N4BP1: variants seen among roughly 807,000 people sequenced by gnomAD.
N4BP1 encodes NEDD4-binding protein 1.
In N4BP1, 21 loss-of-function variants were observed where a neutral mutation model predicts 70.9. The ratio of observed to expected loss-of-function variants is 0.30; its 90% confidence interval spans 0.21 to 0.43. The LOEUF (loss-of-function observed/expected upper bound fraction) is 0.43. N4BP1 is among the 20% of genes least tolerant of loss of function. The pLI, the probability that N4BP1 is intolerant of heterozygous loss-of-function variation, is 1.00. For missense variants in N4BP1, 936 were observed against 1,069.4 expected (o/e 0.88, Z 1.74); for synonymous variants, 387 against 394.6 (o/e 0.98, Z 0.23).
rs373702319 is a variant in N4BP1, at chr16:48,561,709, C to T, written c.934G>A (p.Asp312Asn). The T allele has an allele frequency of 7.2e-5, 116 of 1,612,306 alleles. No homozygotes were observed. The highest frequency in any genetic ancestry group is 9.1e-5 in the Non-Finnish European group (107 of 1,179,882). Residue 312 changes from aspartate (D) to asparagine (N), a missense_variant, in exon 2 of 7, where the codon GAT becomes AAT. Coordinates refer to ENST00000262384, the MANE Select transcript of N4BP1 (RefSeq NM_153029.4). ...ENVQEGEILH[D>N]AKTLAGNVIA... ...ACATTTCCAGCCAATGTCTTAGCAT[C>T]GTGTAAAATCTCCCCCTCCTGAACA...
At chr16:48,562,726 G>C (rs1313666460) in intron 1 of N4BP1, among the ~76,000 whole-genome samples, 1 of 152,210 alleles carries the variant, frequency 6.6e-6, no homozygotes. Flanking sequence ...GAGCTACACA[G>C]TGAATAATCC....
chr16:48,548,219 G>T (rs1480406201), intron 4 of N4BP1, 105 bp from the exon 5 acceptor site: 2 of 722,966 alleles, frequency 2.8e-6, no homozygotes, highest in East Asian at 2.6e-5. Context: ...AACCATCAAA[G>T]AATTTAACCA....
chr16:48,556,118 C>A (rs771509320), intron 2 of N4BP1, among the ~76,000 whole-genome samples: 1 of 152,098 alleles, frequency 6.6e-6, no homozygotes, highest in Non-Finnish European at 1.5e-5. Context: ...CATCAGCTCT[C>A]AACTAAATTC....
chr16:48,560,356 C>T (rs1597095674), intron 2 of N4BP1, among the ~76,000 whole-genome samples: 3 of 147,390 alleles, frequency 2.0e-5, no homozygotes, highest in Admixed American at 6.8e-5. Flanking sequence ...AGAGATCAGG[C>T]ATACTCCAGC....
intron 1 of N4BP1, among the ~76,000 whole-genome samples, chr16:48,579,679 CAA>C (rs763939497): frequency 3.9e-5 from 5 of 129,844 alleles, no homozygotes; most frequent in Admixed American, 7.9e-5. Context: ...AGAAAAATGA[CAA>C]AAAAAAAAAA....
intron 1 of N4BP1, among the ~76,000 whole-genome samples, chr16:48,588,415 C>G (rs1964280517): frequency 6.6e-6 from 1 of 151,840 alleles, no homozygotes; most frequent in Non-Finnish European, 1.5e-5. Context: ...CTGCCTCAGC[C>G]TCCCAAGTAG....
At chr16:48,567,423 T>C (rs1963958842) in intron 1 of N4BP1, among the ~76,000 whole-genome samples, 1 of 152,182 alleles carries the variant, frequency 6.6e-6, no homozygotes, top group African/African-American at 2.4e-5. Flanking sequence ...GTTCAAGCGA[T>C]TCTTGTACCT....
At chr16:48,593,254 T>C (rs549235673) in intron 1 of N4BP1, among the ~76,000 whole-genome samples, 2 of 152,320 alleles carry the variant, frequency 1.3e-5, no homozygotes, top group South Asian at 2.1e-4. Flanking sequence ...TTACAATTGC[T>C]TACTAACCAG....
chr16:48,560,906 C>G lies in N4BP1; in HGVS notation c.1737G>C (p.Ser579=). The G allele has an allele frequency of 6.2e-7, 1 of 1,613,934 alleles. No homozygotes were observed. Among genetic ancestry groups the G allele is most frequent in the Non-Finnish European group, 8.5e-7 (1 of 1,179,878 alleles). ...AATCAATATGATCAGAAGGTCCTGC[C>G]GACCTTGCATCAGTAACCGAAGGTA... The part of the protein sequence containing the change: ...QLLPSVTDAR[S]AGPSDHIDSS... The change falls in exon 2 of 7, where the codon TCG becomes TCC. Residue 579 remains serine, a synonymous_variant. Coordinates refer to ENST00000262384, the MANE Select transcript of N4BP1 (RefSeq NM_153029.4).
intron 1 of N4BP1, among the ~76,000 whole-genome samples, chr16:48,579,530 C>T (rs1227484261): frequency 1.3e-5 from 2 of 152,038 alleles, no homozygotes; most frequent in African/African-American, 4.8e-5. Flanking sequence ...GATTTCTGTC[C>T]AGTAGAGATG....
chr16:48,577,562 T>C (rs961602614), intron 1 of N4BP1: 8 of 203,298 alleles, frequency 3.9e-5, no homozygotes, highest in Non-Finnish European at 7.3e-5. Flanking sequence ...GTCCTTTGCA[T>C]GGAGACTCTG....
At chr16:48,600,077 G>T (rs1019629423) in intron 1 of N4BP1, 9 of 332,638 alleles carry the variant, frequency 2.7e-5, no homozygotes, top group Admixed American at 4.9e-5. Context: ...AAATACCAGG[G>T]TCAAGAATGA....
chr16:48,570,837 T>C (rs1429280759), intron 1 of N4BP1, among the ~76,000 whole-genome samples: 1 of 152,206 alleles, frequency 6.6e-6, no homozygotes, highest in Non-Finnish European at 1.5e-5. Context: ...AAACTTTTTT[T>C]GAGATAAGAG....
chr16:48,602,477 C>T (rs1964516673), intron 1 of N4BP1, among the ~76,000 whole-genome samples: 2 of 152,144 alleles, frequency 1.3e-5, no homozygotes, highest in Non-Finnish European at 1.5e-5. Context: ...CAGGCAATCA[C>T]TTCTGACCCC....
intron 1 of N4BP1, among the ~76,000 whole-genome samples, chr16:48,604,278 T>G (rs1376689590): frequency 6.6e-6 from 1 of 152,154 alleles, no homozygotes; most frequent in African/African-American, 2.4e-5. Context: ...GGGCTAGGCA[T>G]GGTGGCTCAT....
rs112236719 is a variant in N4BP1 at position 48,549,685 on chromosome 16, C to T, written c.2118-1571G>A. On this transcript the variant is annotated intron_variant, in intron 4 of 6. Transcript: ENST00000262384. ...CACCCATCAGATCTGGTCTTGCATACCAGCCTGGTGCAGGGCAAGGGACTG... is the reference window on the plus strand; with the variant it reads ...CACCCATCAGATCTGGTCTTGCATATCAGCCTGGTGCAGGGCAAGGGACTG... Among the ~76,000 whole-genome samples, 806 of 152,334 alleles carry T rather than the reference C, an allele frequency of 5.3e-3. 2 individuals carry two copies. Among genetic ancestry groups the T allele is most frequent in the Non-Finnish European group, 9.1e-3 (618 of 68,024 alleles).
chr16:48,587,271 C>A (rs1199459997), intron 1 of N4BP1: 1 of 152,120 alleles, frequency 6.6e-6, no homozygotes. Flanking sequence ...AAGCGACATC[C>A]CTTAAGCAAC....
At chr16:48,543,942 T>A (rs1963550947) in intron 6 of N4BP1, among the ~76,000 whole-genome samples, 1 of 152,020 alleles carries the variant, frequency 6.6e-6, no homozygotes, top group Non-Finnish European at 1.5e-5. Context: ...AGCCACCAAG[T>A]GAGAGTGAAA....
At position 48,540,985 on chromosome 16, in the gene N4BP1, C is replaced by T. The variant is rs1400037152; in HGVS notation, c.*1919G>A. The T allele has an allele frequency of 6.6e-6, 1 of 152,208 alleles. No individual in the cohort carries two copies. The highest frequency in any genetic ancestry group is 1.5e-5 in the Non-Finnish European group (1 of 68,044). 9.4% of individuals were successfully genotyped at this position (152,208 alleles called of 1,614,324 possible). A position where few individuals can be genotyped will look rare whatever the true frequency, so the allele number is the denominator to read the frequency against. On this transcript the variant is annotated 3_prime_UTR_variant, in exon 7 of 7. Coordinates refer to ENST00000262384, the MANE Select transcript of N4BP1 (RefSeq NM_153029.4). ...AGAAAGGGAAAGGGGACAGGCCAAT[C>T]CCTCTGAAGCAGTAAGTCAGAACAC...
Sources: gnomAD v4.1 joint callset for allele counts (sites outside exome capture counted in the v4.1 genomes callset) on GRCh38, gnomAD v4.1.1 for gene constraint, MANE v1.5 for transcripts, NCBI Gene and HGNC (gene_info 2026-07-23, HGNC 2026-07-21) for gene names.